The following VAV1 variants were observed in gnomAD, a reference collection of about 807,000 sequenced individuals.
VAV1 encodes the protein proto-oncogene vav.
In VAV1, 33 loss-of-function variants were observed where a neutral mutation model predicts 128.1. The observed-to-expected ratio is 0.26, with a 90% confidence interval of 0.20 to 0.34. VAV1 has a LOEUF of 0.34. VAV1 is among the 10% of genes least tolerant of loss of function. The probability of loss-of-function intolerance (pLI) is 1.00; values close to 1 mark genes in which losing one functional copy is unlikely to be tolerated. For synonymous variants in VAV1, 394 were observed against 409.8 expected, an observed-to-expected ratio of 0.96 and a Z score of 0.47; for missense variants, 715 against 1,093.7, an observed-to-expected ratio of 0.65 and a Z score of 4.88.
intron 1 of VAV1, among the ~76,000 whole-genome samples, chr19:6,794,529 G>C (rs116450981): frequency 0.026 from 4,030 of 152,158 alleles, 180 homozygotes; most frequent in African/African-American, 0.091. Flanking sequence ...AAACAAAGAG[G>C]ATAACCAGAT....
chr19:6,796,821 C>A (rs1035100375), intron 1 of VAV1, among the ~76,000 whole-genome samples: 1 of 152,156 alleles, frequency 6.6e-6, no homozygotes, highest in African/African-American at 2.4e-5. Flanking sequence ...CCTACAATAC[C>A]TTCATTGTCT....
Position 6,828,387 on chromosome 19 carries a change from C to T in VAV1, c.1024-32C>T. The T allele has an allele frequency of 6.2e-7, 1 of 1,613,560 alleles. No homozygotes were observed. The highest frequency in any genetic ancestry group is 8.5e-7 in the Non-Finnish European group (1 of 1,179,836). ...TCCCCGCAGGGAGAAGGGGAGGGGC[C>T]CAGGTGACGTCTGACGTCTTGGTTC... is the stretch of plus-strand genomic sequence containing the variant. On this transcript the variant is annotated intron_variant, in intron 10 of 26. Coordinates refer to ENST00000602142, the MANE Select transcript of VAV1 (RefSeq NM_005428.4). This position sits in a 1 kb window ranked among gnomAD's most constrained non-coding sequence, Gnocchi z 4.5.
Position 6,828,168 on chromosome 19 carries a change from C to A in VAV1, c.1020C>A (p.Leu340=). 2 of 1,614,124 alleles carry A rather than the reference C, an allele frequency of 1.2e-6. No individual in the cohort carries two copies. The highest frequency in any genetic ancestry group is 1.7e-6 in the Non-Finnish European group (2 of 1,180,020). ...GAGTTCTCAAATATCACCTCCTTCT[C>A]CAGGTGCCAGGCACATCTCTAGGCG... is the stretch of plus-strand genomic sequence containing the variant. The part of the protein sequence containing the change: ...MQRVLKYHLL[L]QELVKHTQEA... The change falls in exon 10 of 27, where the codon CTC becomes CTA. Residue 340 remains leucine, a synonymous_variant. Transcript: ENST00000602142. This position sits in a 1 kb window ranked among gnomAD's most constrained non-coding sequence, Gnocchi z 4.5.
chr19:6,781,991 C>G lies in VAV1; in HGVS notation c.204+8980C>G, dbSNP rs139062430. Among the ~76,000 whole-genome samples the G allele has an allele frequency of 3.2e-3, 481 of 152,244 alleles. 5 individuals are homozygous for G. Among genetic ancestry groups the G allele is most frequent in the African/African-American group, 0.011 (452 of 41,534 alleles). ...CTTGGAGAAAAAAATAATTACTTAACCTATTGGATCCCTGATTGTCTTATC... is the reference window on the plus strand; with the variant it reads ...CTTGGAGAAAAAAATAATTACTTAAGCTATTGGATCCCTGATTGTCTTATC... On this transcript the variant is annotated intron_variant, in intron 1 of 26. Coordinates refer to ENST00000602142, the MANE Select transcript of VAV1 (RefSeq NM_005428.4).
chr19:6,821,535 G>A (rs1305359204), intron 2 of VAV1, 87 bp from the exon 3 acceptor site: 26 of 1,513,418 alleles, frequency 1.7e-5, no homozygotes, highest in Admixed American at 1.3e-4. Flanking sequence ...GGGATCTAGC[G>A]CCTCAGACAG....
At chr19:6,774,686 C>T (rs1179350766) in intron 1 of VAV1, among the ~76,000 whole-genome samples, 25 of 151,936 alleles carry the variant, frequency 1.6e-4, no homozygotes, top group African/African-American at 5.1e-4. Flanking sequence ...CCACCCACCT[C>T]GGCCTTCCAA....
At position 6,833,653 on chromosome 19, in the gene VAV1, G is replaced by A. The variant is rs200588507; in HGVS notation, c.1708+28G>A. 49 of 1,614,122 alleles carry A rather than the reference G, an allele frequency of 3.0e-5. No homozygotes were observed. The African/African-American group carries it at 4.3e-4, about 14-fold the overall frequency. On this transcript the variant is annotated intron_variant, in intron 17 of 26. Coordinates refer to ENST00000602142, the MANE Select transcript of VAV1 (RefSeq NM_005428.4). ...ACGAGTGGGAGGGAGGCTGGGAGGT[G>A]AGCTTGGTTCTCTTTGGAGGATTTC...
In VAV1 at chr19:6,828,575, CTGGGTCGGCTGT is replaced by C; in HGVS notation, c.1093-42_1093-31del. The stretch of plus-strand genomic sequence containing the variant: ...CCTCTAGCCGGGATTAGGTAGGAGC[CTGGGTCGGCTGT>C]TGGGGGGCCAGGTTCACCCCTGCCC... On this transcript the variant is annotated intron_variant, in intron 11 of 26. Coordinates refer to ENST00000602142, the MANE Select transcript of VAV1 (RefSeq NM_005428.4). This position sits in a 1 kb window ranked among gnomAD's most constrained non-coding sequence, Gnocchi z 4.5. 1 of 1,613,782 alleles carries C rather than the reference CTGGGTCGGCTGT, an allele frequency of 6.2e-7. No individual in the cohort carries two copies. The highest frequency in any genetic ancestry group is 8.5e-7 in the Non-Finnish European group (1 of 1,179,720).
At chr19:6,793,921 C>G (rs1235547486) in intron 1 of VAV1, among the ~76,000 whole-genome samples, 2 of 152,006 alleles carry the variant, frequency 1.3e-5, no homozygotes, top group Admixed American at 6.6e-5. Context: ...CAAGCAGTAT[C>G]CATTAAATGA....
At chr19:6,843,598 G>A (rs1178357733) in intron 22 of VAV1, among the ~76,000 whole-genome samples, 1 of 152,098 alleles carries the variant, frequency 6.6e-6, no homozygotes, top group Non-Finnish European at 1.5e-5. Flanking sequence ...ACCTTACCTA[G>A]CTGTATGACC....
At chr19:6,851,272 T>A (rs1318133980) in intron 24 of VAV1, among the ~76,000 whole-genome samples, 1 of 152,004 alleles carries the variant, frequency 6.6e-6, no homozygotes, top group Non-Finnish European at 1.5e-5. Context: ...ATTCCTGGTT[T>A]AAATAATCTC....
At chr19:6,818,339 C>T (rs542725681) in intron 1 of VAV1, among the ~76,000 whole-genome samples, 29 of 152,306 alleles carry the variant, frequency 1.9e-4, no homozygotes, top group Non-Finnish European at 3.1e-4. Context: ...CAAAGTACCA[C>T]GAGCTTGGAG....
intron 1 of VAV1, among the ~76,000 whole-genome samples, chr19:6,773,548 TG>T (rs1568277421): frequency 6.6e-6 from 1 of 151,842 alleles, no homozygotes; most frequent in Non-Finnish European, 1.5e-5. Flanking sequence ...ATGGGGCAGG[TG>T]GGGGGCTGCA....
In VAV1 at chr19:6,842,016, G is replaced by A. The variant is rs564610036; in HGVS notation, c.1981-1119G>A. Among the ~76,000 whole-genome samples, 8 of 151,726 alleles carry A rather than the reference G, an allele frequency of 5.3e-5. No homozygotes were observed. In the South Asian group the frequency reaches 1.3e-3, roughly 24 times the overall value. On this transcript the variant is annotated intron_variant, in intron 21 of 26. Coordinates refer to ENST00000602142, the MANE Select transcript of VAV1 (RefSeq NM_005428.4). The stretch of plus-strand genomic sequence containing the variant: ...CGAGGCGGGTGGATCACCTGAGCTC[G>A]GGAGTTTGAGACCAGCCCGACCAAC...
chr19:6,824,641 C>G (rs1370024012), intron 6 of VAV1, among the ~76,000 whole-genome samples: 1 of 152,086 alleles, frequency 6.6e-6, no homozygotes, highest in Admixed American at 6.6e-5. Context: ...AAGTGATTCT[C>G]CTGCTTCAGC....
intron 1 of VAV1, among the ~76,000 whole-genome samples, chr19:6,776,125 T>TCCATCC (rs1568278830): frequency 1.5e-5 from 1 of 68,220 alleles, no homozygotes; most frequent in Non-Finnish European, 3.0e-5. Context: ...TCCATCCATC[T>TCCATCC]GCTCATCCAT....
chr19:6,804,838 T>C (rs559800629), intron 1 of VAV1, among the ~76,000 whole-genome samples: 19 of 150,856 alleles, frequency 1.3e-4, no homozygotes, highest in East Asian at 9.9e-4. Context: ...ATTCTCCTGC[T>C]TCAGCCTCCC....
At chr19:6,783,606 C>T (rs935235483) in intron 1 of VAV1, among the ~76,000 whole-genome samples, 8 of 152,006 alleles carry the variant, frequency 5.3e-5, no homozygotes, top group Non-Finnish European at 1.2e-4. Flanking sequence ...CCTCAGCCTC[C>T]CAAGTAGCTG....
chr19:6,820,616 C>T lies in VAV1; in HGVS notation c.205-86C>T. On this transcript the variant is annotated intron_variant, in intron 1 of 26. Transcript: ENST00000602142. This position sits in a 1 kb window ranked among gnomAD's most constrained non-coding sequence, Gnocchi z 4.4. ...TCTGTGCTTTCATTTCCCCTCCACA[C>T]CAGTCCCCAAGCTAGGTGGCCTGGG... 9.7e-7 allele frequency: 1 copy of T among 1,029,572 alleles called. No homozygotes were observed. Among genetic ancestry groups the T allele is most frequent in the Non-Finnish European group, 1.5e-6 (1 of 655,880 alleles). The allele number at this position is 1,029,572 out of a possible 1,614,324, so 63.8% of individuals were successfully genotyped here.
Sources: gnomAD v4.1 joint callset for allele counts (sites outside exome capture counted in the v4.1 genomes callset) on GRCh38, gnomAD v4.1.1 for gene constraint, Gnocchi (gnomAD v3.1) non-coding constraint, MANE v1.5 for transcripts, NCBI Gene and HGNC (gene_info 2026-07-23, HGNC 2026-07-21) for gene names.